PIK3C2G: variants seen among roughly 807,000 people sequenced by gnomAD.
PIK3C2G encodes phosphatidylinositol 3-kinase C2 domain-containing subunit gamma.
A neutral mutation model predicts 181.1 loss-of-function variants in PIK3C2G; 168 were observed. That is an observed-to-expected ratio of 0.93 (90% confidence interval 0.82 to 1.05). The LOEUF (loss-of-function observed/expected upper bound fraction) is 1.05. PIK3C2G is among the 50% of genes least tolerant of loss of function. The pLI is 0.00. For missense variants in PIK3C2G, 1,869 were observed against 1,732.8 expected, an observed-to-expected ratio of 1.08 and a Z score of -1.40; for synonymous variants, 573 against 592.2, an observed-to-expected ratio of 0.97 and a Z score of 0.47.
the PIK3C2G span, chr12:18,701,646 TCCTCCTC>T: frequency 2.5e-6 from 3 of 1,203,462 alleles, no homozygotes; most frequent in Non-Finnish European, 3.5e-6. Flanking sequence ...CTCCTCCTCC[TCCTCCTC>T]TCCATCTGCC....
chr12:18,658,436 A>G, the PIK3C2G span, among the ~76,000 whole-genome samples: 7 of 152,278 alleles, frequency 4.6e-5, no homozygotes, highest in East Asian at 1.2e-3. Context: ...TAAAAGCAGC[A>G]GGAGAGAAGC....
At chr12:18,283,282 G>A (rs1175547839) in intron 2 of PIK3C2G, among the ~76,000 whole-genome samples, 1 of 152,084 alleles carries the variant, frequency 6.6e-6, no homozygotes, top group Non-Finnish European at 1.5e-5. Flanking sequence ...TATTCATTGT[G>A]TGACTCATCT....
chr12:18,703,442 C>T, the PIK3C2G span, among the ~76,000 whole-genome samples: 1 of 152,158 alleles, frequency 6.6e-6, no homozygotes, highest in Non-Finnish European at 1.5e-5. Flanking sequence ...GAAACTTAGT[C>T]ATGTAATACA....
chr12:18,283,579 C>T (rs1460561998), intron 2 of PIK3C2G, among the ~76,000 whole-genome samples: 1 of 152,050 alleles, frequency 6.6e-6, no homozygotes, highest in East Asian at 1.9e-4. Context: ...TACTTGAATT[C>T]AGGAATAGCA....
chr12:18,629,146 G>A (rs1195839794), intron 31 of PIK3C2G, among the ~76,000 whole-genome samples: 6 of 152,278 alleles, frequency 3.9e-5, no homozygotes, highest in African/African-American at 1.2e-4. Flanking sequence ...GTCACCATAC[G>A]ATGCCTCTCC....
intron 1 of PIK3C2G, among the ~76,000 whole-genome samples, chr12:18,252,525 A>G (rs1035205526): frequency 6.6e-6 from 1 of 152,198 alleles, no homozygotes; most frequent in Non-Finnish European, 1.5e-5. Context: ...AGCCTTCAGA[A>G]ATGAAAACCC....
At chr12:18,488,337 G>T in intron 18 of PIK3C2G, 112 bp from the exon 19 acceptor site, 1 of 575,172 alleles carries the variant, frequency 1.7e-6, no homozygotes. Flanking sequence ...TTGTTAAACT[G>T]CCCAAAGCCA....
chr12:18,641,605 AG>A (rs1438113447), intron 32 of PIK3C2G, among the ~76,000 whole-genome samples: 1 of 151,986 alleles, frequency 6.6e-6, no homozygotes, highest in African/African-American at 2.4e-5. Context: ...TGTTTACTGA[AG>A]TCACATGATC....
intron 22 of PIK3C2G, among the ~76,000 whole-genome samples, chr12:18,502,676 T>C (rs569567447): frequency 6.6e-6 from 1 of 152,258 alleles, no homozygotes; most frequent in African/African-American, 2.4e-5. Context: ...AAAGTTCCTA[T>C]TGAAGTTCAA....
intron 31 of PIK3C2G, among the ~76,000 whole-genome samples, chr12:18,633,889 G>A (rs1037000237): frequency 6.6e-6 from 1 of 152,108 alleles, no homozygotes; most frequent in African/African-American, 2.4e-5. Context: ...AGTGTGTAAG[G>A]GTGTAGGAAC....
At chr12:18,701,034 G>A in the PIK3C2G span, among the ~76,000 whole-genome samples, 1 of 151,570 alleles carries the variant, frequency 6.6e-6, no homozygotes. Flanking sequence ...GCCCAGGTTG[G>A]AGTGCAATGG....
At chr12:18,604,494 G>A (rs941265985) in intron 30 of PIK3C2G, among the ~76,000 whole-genome samples, 1 of 152,182 alleles carries the variant, frequency 6.6e-6, no homozygotes, top group African/African-American at 2.4e-5. Context: ...CATCAAGACA[G>A]AAAGTCAACT....
Position 18,400,149 on chromosome 12 carries a change from T to C in PIK3C2G, c.2315+302T>C, listed in dbSNP as rs529563113. On this transcript the variant is annotated intron_variant, in intron 16 of 32. Transcript: ENST00000538779. The stretch of plus-strand genomic sequence containing the variant: ...AAAATAAAAATCCCTACTTCTTCTC[T>C]CAAACTAAAAATGTCTTTAAAAATT... Among the ~76,000 whole-genome samples, 23 of 152,300 alleles carry C rather than the reference T, an allele frequency of 1.5e-4. No individual in the cohort carries two copies. In the South Asian group the frequency reaches 2.7e-3, roughly 18 times the overall value.
intron 8 of PIK3C2G, among the ~76,000 whole-genome samples, chr12:18,334,139 A>G (rs968751969): frequency 6.6e-6 from 1 of 152,200 alleles, no homozygotes; most frequent in Non-Finnish European, 1.5e-5. Context: ...ATTAATCCAA[A>G]GAAATTAGAA....
intron 4 of PIK3C2G, 135 bp downstream of exon 4, chr12:18,291,147 C>T (rs1949676611): frequency 1.8e-6 from 1 of 563,756 alleles, no homozygotes; most frequent in African/African-American, 1.9e-5. Context: ...AAGAAGAAAA[C>T]ATCAGGGATC....
intron 9 of PIK3C2G, 42 bp downstream of exon 9, chr12:18,338,590 TTC>T (rs1185253499): frequency 1.4e-6 from 2 of 1,392,796 alleles, no homozygotes; most frequent in Non-Finnish European, 1.0e-6. Context: ...TAAACCTGAG[TTC>T]AATACTTAAT....
At chr12:18,497,541 T>G in intron 21 of PIK3C2G, 78 bp from the exon 22 acceptor site, 1 of 1,048,942 alleles carries the variant, frequency 9.5e-7, no homozygotes, top group Non-Finnish European at 1.4e-6. Flanking sequence ...AGGAGAAAAG[T>G]GACATGTACT....
chr12:18,481,818 G>A (rs1258973604), intron 18 of PIK3C2G, among the ~76,000 whole-genome samples: 1 of 152,000 alleles, frequency 6.6e-6, no homozygotes, highest in Non-Finnish European at 1.5e-5. Context: ...AAATTCTACT[G>A]CCCCAGAATA....
At chr12:18,290,334 T>C (rs543669156) in intron 3 of PIK3C2G, among the ~76,000 whole-genome samples, 1 of 152,312 alleles carries the variant, frequency 6.6e-6, no homozygotes, top group South Asian at 2.1e-4. Flanking sequence ...GCTCCAATAT[T>C]TGTGTAAAAT....
Sources: gnomAD v4.1 joint callset for allele counts (sites outside exome capture counted in the v4.1 genomes callset) on GRCh38, gnomAD v4.1.1 for gene constraint, MANE v1.5 for transcripts, NCBI Gene and HGNC (gene_info 2026-07-23, HGNC 2026-07-21) for gene names.